Variants in CAMKMT observed in about 807,000 individuals in gnomAD.
The protein encoded by CAMKMT is calmodulin-lysine N-methyltransferase, also known as CaM KMT.
A neutral mutation model predicts 48.0 loss-of-function variants in CAMKMT; 53 were observed. That is an observed-to-expected ratio of 1.10 (90% CI 0.89 to 1.39). The LOEUF is 1.39. Among genes scored for constraint, CAMKMT ranks in the 40% most tolerant of loss-of-function variants. CAMKMT has a pLI of 0.00. For missense variants in CAMKMT, 428 were observed against 402.7 expected, an observed-to-expected ratio of 1.06 and a Z score of -0.54; for synonymous variants, 165 against 152.3, an observed-to-expected ratio of 1.08 and a Z score of -0.61.
At chr2:44,373,696 A>G (rs1481892656) in intron 2 of CAMKMT, among the ~76,000 whole-genome samples, 1 of 152,198 alleles carries the variant, frequency 6.6e-6, no homozygotes, top group African/African-American at 2.4e-5. Context: ...TTTTTATAGT[A>G]TATGTTTCTC....
At chr2:44,542,220 A>G (rs1196956204) in intron 3 of CAMKMT, among the ~76,000 whole-genome samples, 2 of 152,212 alleles carry the variant, frequency 1.3e-5, no homozygotes, top group African/African-American at 4.8e-5. Context: ...TTATTTTCAG[A>G]TACTGTTTGG....
At chr2:44,667,362 C>T (rs551282074) in intron 3 of CAMKMT, among the ~76,000 whole-genome samples, 16 of 152,296 alleles carry the variant, frequency 1.1e-4, no homozygotes, top group African/African-American at 3.1e-4. Context: ...CCCTTGCTGC[C>T]CTCTCAGCAG....
At chr2:44,725,209 G>C (rs904678963) in intron 7 of CAMKMT, among the ~76,000 whole-genome samples, 5 of 147,696 alleles carry the variant, frequency 3.4e-5, no homozygotes, top group African/African-American at 1.3e-4. Context: ...TGCTATATCG[G>C]TCTTACATAC....
intron 9 of CAMKMT, among the ~76,000 whole-genome samples, chr2:44,758,841 C>A (rs575483571): frequency 6.8e-4 from 103 of 152,274 alleles, no homozygotes; most frequent in Non-Finnish European, 1.1e-3. Context: ...GAAATGACAA[C>A]CAACAAATGG....
intron 3 of CAMKMT, among the ~76,000 whole-genome samples, chr2:44,610,149 A>G (rs1025106302): frequency 6.6e-6 from 1 of 152,214 alleles, no homozygotes; most frequent in Non-Finnish European, 1.5e-5. Context: ...TTCATTGAGA[A>G]GAGATTTATT....
chr2:44,754,127 G>A lies in CAMKMT; in HGVS notation c.762+9G>A, dbSNP rs539357056. On this transcript the variant is annotated intron_variant, in intron 9 of 10. Coordinates refer to ENST00000378494, the MANE Select transcript of CAMKMT (RefSeq NM_024766.5). ...GATTACTCCAGCCCAGGGTAAGTAT[G>A]TTTCTATTTTCTCCTGAACACTGGC... 2.4e-5 allele frequency: 39 copies of A among 1,609,344 alleles called. No homozygotes were observed. In the South Asian group the frequency reaches 4.0e-4, roughly 16 times the overall value.
intron 3 of CAMKMT, among the ~76,000 whole-genome samples, chr2:44,468,098 A>G (rs1239548881): frequency 6.6e-6 from 1 of 152,196 alleles, no homozygotes; most frequent in East Asian, 1.9e-4. Context: ...ATATTTGCAA[A>G]CTATCCAACA....
intron 8 of CAMKMT, among the ~76,000 whole-genome samples, chr2:44,752,139 G>C (rs1223123034): frequency 6.6e-6 from 1 of 152,026 alleles, no homozygotes; most frequent in Non-Finnish European, 1.5e-5. Flanking sequence ...GGGCCCCATG[G>C]TTTTGGCATC....
At chr2:44,712,184 G>A (rs921662719) in intron 6 of CAMKMT, among the ~76,000 whole-genome samples, 1 of 151,752 alleles carries the variant, frequency 6.6e-6, no homozygotes, top group South Asian at 2.1e-4. Flanking sequence ...AAACTTGAGA[G>A]ATCAAAATGA....
chr2:44,510,507 A>G (rs73924794), intron 3 of CAMKMT, among the ~76,000 whole-genome samples: 9,520 of 152,244 alleles, frequency 0.063, 989 homozygotes, highest in African/African-American at 0.22. Context: ...AGGATCCTCC[A>G]TTACAACACT....
chr2:44,694,807 G>T (rs916508402), intron 3 of CAMKMT, among the ~76,000 whole-genome samples: 1 of 152,290 alleles, frequency 6.6e-6, no homozygotes, highest in Non-Finnish European at 1.5e-5. Context: ...AAAACAAAAT[G>T]ACCATAGATA....
chr2:44,395,433 G>A (rs574980467), intron 3 of CAMKMT, among the ~76,000 whole-genome samples: 2 of 152,086 alleles, frequency 1.3e-5, no homozygotes, highest in East Asian at 3.9e-4. Flanking sequence ...TGTATGCATT[G>A]TATATCTATA....
chr2:44,368,695 A>G (rs774961596), intron 1 of CAMKMT, among the ~76,000 whole-genome samples: 2 of 152,230 alleles, frequency 1.3e-5, no homozygotes, highest in East Asian at 3.8e-4. Context: ...AATTTAGACT[A>G]TTAAAAGGTA....
chr2:44,706,192 A>T, intron 4 of CAMKMT, 95 bp from the exon 5 acceptor site: 1 of 1,237,924 alleles, frequency 8.1e-7, no homozygotes, highest in Non-Finnish European at 1.2e-6. Flanking sequence ...CGCCGTTCTT[A>T]CTGCAGATGG....
At chr2:44,368,709 A>C (rs1290323919) in intron 1 of CAMKMT, among the ~76,000 whole-genome samples, 1 of 152,208 alleles carries the variant, frequency 6.6e-6, no homozygotes, top group Non-Finnish European at 1.5e-5. Context: ...AAAGGTATTT[A>C]CTGTTTGGAG....
Position 44,651,299 on chromosome 2 carries a change from T to G in CAMKMT, c.377-52984T>G, listed in dbSNP as rs542681499. 2.6e-5 allele frequency among the ~76,000 whole-genome samples: 4 copies of G among 152,370 alleles called. No homozygotes were observed. In the South Asian group the frequency reaches 6.2e-4, roughly 24 times the overall value. On this transcript the variant is annotated intron_variant, in intron 3 of 10. Transcript: ENST00000378494. ...GTTACCTGAAAGTAGAATAGTCAAC[T>G]GACTTACGCATCCTTTTTTTGGAAT...
chr2:44,369,551 G>C (rs1678952873), intron 1 of CAMKMT, among the ~76,000 whole-genome samples: 2 of 152,124 alleles, frequency 1.3e-5, no homozygotes, highest in Admixed American at 1.3e-4. Flanking sequence ...TGCCAGAACA[G>C]TATAAAGCTG....
At chr2:44,677,078 G>A (rs962003992) in intron 3 of CAMKMT, among the ~76,000 whole-genome samples, 1 of 152,104 alleles carries the variant, frequency 6.6e-6, no homozygotes, top group Non-Finnish European at 1.5e-5. Context: ...AATCCTGAAG[G>A]GGATTTTCAT....
intron 2 of CAMKMT, among the ~76,000 whole-genome samples, chr2:44,388,684 T>C (rs4490237): frequency 0.039 from 5,940 of 152,270 alleles, 249 homozygotes; most frequent in African/African-American, 0.1. Flanking sequence ...TCAGATTCTT[T>C]TGTCCCACTG....
Sources: allele counts gnomAD v4.1 joint callset (sites outside exome capture counted in the v4.1 genomes callset), GRCh38; gene constraint gnomAD v4.1.1; transcripts MANE v1.5; gene names NCBI Gene and HGNC (gene_info 2026-07-23, HGNC 2026-07-21).